The following B3GALNT2 variants were observed in gnomAD, a reference collection of about 807,000 sequenced individuals.
B3GALNT2 encodes the protein beta-1,3-N-acetylgalactosaminyltransferase 2.
A neutral mutation model predicts 61.1 loss-of-function variants in B3GALNT2; 53 were observed. That is an observed-to-expected ratio of 0.87 (90% CI 0.70 to 1.09). B3GALNT2 has a LOEUF of 1.09. Among genes scored for constraint, B3GALNT2 ranks in the 50% least tolerant of loss-of-function variants. B3GALNT2 has a pLI of 0.00. For missense variants in B3GALNT2, 544 were observed against 623.0 expected, an observed-to-expected ratio of 0.87 and a Z score of 1.35; for synonymous variants, 223 against 237.4, an observed-to-expected ratio of 0.94 and a Z score of 0.56.
chr1:235,446,032 C>T (rs1558397223), downstream of B3GALNT2, among the ~76,000 whole-genome samples: 2 of 152,122 alleles, frequency 1.3e-5, no homozygotes, highest in East Asian at 1.9e-4. Flanking sequence ...TCATACTCGC[C>T]GCTTTCCAGG....
downstream of B3GALNT2, among the ~76,000 whole-genome samples, chr1:235,442,526 T>C (rs1681964757): frequency 6.6e-6 from 1 of 152,218 alleles, no homozygotes; most frequent in Admixed American, 6.5e-5. Flanking sequence ...GTAACTCCTA[T>C]GTTTTAAACT....
intron 6 of B3GALNT2, 24 bp from the exon 7 acceptor site, chr1:235,465,738 A>G: frequency 1.2e-6 from 2 of 1,604,908 alleles, no homozygotes; most frequent in African/African-American, 2.7e-5. Flanking sequence ...GAATGTACTC[A>G]GTGATTCATT....
Position 235,465,715 on chromosome 1 carries a change from C to T in B3GALNT2, c.763-1G>A, listed in dbSNP as rs780433836. 1.1e-5 allele frequency: 18 copies of T among 1,613,646 alleles called. No homozygotes were observed. Among genetic ancestry groups the T allele is most frequent in the Non-Finnish European group, 1.4e-5 (17 of 1,179,882 alleles). ...CATGAGGCAATGCACCCTCCCCAGCCTGAAAGGAATAAGAATGTACTCAGT... is the reference window on the plus strand; with the variant it reads ...CATGAGGCAATGCACCCTCCCCAGCTTGAAAGGAATAAGAATGTACTCAGT... On this transcript the variant is annotated splice_acceptor_variant, in intron 6 of 11. Transcript: ENST00000366600. LOFTEE classifies it high-confidence loss of function.
rs2102790078 is a variant in B3GALNT2 at position 235,458,746 on chromosome 1, T to C, written c.882A>G (p.Gln294=). The change falls in exon 8 of 12, where the codon CAA becomes CAG. Residue 294 remains glutamine (Q), a synonymous_variant. Coordinates refer to ENST00000366600, the MANE Select transcript of B3GALNT2 (RefSeq NM_152490.5). ...ALLHNLHSRP[Q]RLIDHIRNLH... is the part of the protein sequence containing the mutation. ...GATTCCTTATATGATCAATAAGTCT[T>C]TGAGGGCGAGAATGAAGGTTGTGTA... 2 of 1,606,284 alleles carry C rather than the reference T, an allele frequency of 1.2e-6. No homozygotes were observed. Among genetic ancestry groups the C allele is most frequent in the South Asian group, 2.3e-5 (2 of 88,470 alleles).
chr1:235,496,312 A>AG, intron 1 of B3GALNT2: 2 of 330,954 alleles, frequency 6.0e-6, no homozygotes, highest in South Asian at 1.2e-4. Context: ...ACTCCACCTG[A>AG]AAAAAAAAAA....
chr1:235,456,464 C>T (rs562322156), intron 8 of B3GALNT2, among the ~76,000 whole-genome samples: 4 of 152,260 alleles, frequency 2.6e-5, no homozygotes, highest in Admixed American at 2.0e-4. Flanking sequence ...GGGTCCACAC[C>T]AAATAGCATC....
At chr1:235,458,285 C>T (rs994442468) in intron 8 of B3GALNT2, among the ~76,000 whole-genome samples, 3 of 152,058 alleles carry the variant, frequency 2.0e-5, no homozygotes, top group African/African-American at 4.8e-5. Flanking sequence ...GCTCAGTTTT[C>T]GCAAGGAACT....
Position 235,465,691 on chromosome 1 carries a change from A to C in B3GALNT2, c.786T>G (p.His262Gln). The C allele has an allele frequency of 1.2e-6, 2 of 1,614,076 alleles. No individual in the cohort carries two copies. The highest frequency in any genetic ancestry group is 2.2e-5 in the South Asian group (2 of 91,084). ...VITAGEGALP[H>Q]EFLEGVEGVA... ...CTCCCTCCACACCTTCCAAGAATTC[A>C]TGAGGCAATGCACCCTCCCCAGCCT... Residue 262 changes from histidine to glutamine, a missense_variant, in exon 7 of 12, where the codon CAT (histidine) becomes CAG (glutamine). By Grantham distance (24) the His-to-Gln change is conservative. Coordinates refer to ENST00000366600, the MANE Select transcript of B3GALNT2 (RefSeq NM_152490.5).
chr1:235,453,460 CTT>C (rs1175498989), intron 10 of B3GALNT2, among the ~76,000 whole-genome samples: 2 of 145,224 alleles, frequency 1.4e-5, no homozygotes, highest in African/African-American at 2.5e-5. Context: ...AGGGACTATA[CTT>C]TTTTTTTTTT....
At chr1:235,480,557 C>T (rs1291138323) in intron 4 of B3GALNT2, among the ~76,000 whole-genome samples, 3 of 151,846 alleles carry the variant, frequency 2.0e-5, no homozygotes, top group South Asian at 2.1e-4. Flanking sequence ...CAGGAAACTC[C>T]GTTCAAAAAG....
chr1:235,453,035 T>C lies in B3GALNT2; in HGVS notation c.1368+55A>G, dbSNP rs189833358. 13,812 of 1,467,250 alleles carry C rather than the reference T, an allele frequency of 9.4e-3. 176 individuals are homozygous for C. Among genetic ancestry groups the C allele is most frequent in the Non-Finnish European group, 8.9e-3 (9,376 of 1,053,042 alleles). The allele number at this position is 1,467,250 out of a possible 1,614,324, so 90.9% of individuals were successfully genotyped here. On this transcript the variant is annotated intron_variant, in intron 11 of 11. Transcript: ENST00000366600. ...GGATAAAGAACACTCAACCTGTATA[T>C]AGAAATCCACCTCCTCAACTCTTAA...
intron 7 of B3GALNT2, among the ~76,000 whole-genome samples, chr1:235,460,034 C>T (rs963729419): frequency 1.5e-4 from 23 of 152,102 alleles, no homozygotes; most frequent in Non-Finnish European, 2.9e-4. Flanking sequence ...CTCAAATGAT[C>T]CACCTGCCTC....
intron 3 of B3GALNT2, among the ~76,000 whole-genome samples, chr1:235,486,641 C>T (rs1056327776): frequency 1.3e-5 from 2 of 152,172 alleles, no homozygotes; most frequent in African/African-American, 2.4e-5. Flanking sequence ...GTTATATACG[C>T]ATTTAAAAAT....
chr1:235,482,808 A>G (rs1684619280), intron 4 of B3GALNT2, among the ~76,000 whole-genome samples: 1 of 152,082 alleles, frequency 6.6e-6, no homozygotes, highest in South Asian at 2.1e-4. Flanking sequence ...GCTCAGGTAA[A>G]AGAGCGAGAC....
In B3GALNT2 at chr1:235,470,775, G is replaced by T. The variant is rs371708271; in HGVS notation, c.762+75C>A. 2.0e-6 allele frequency: 3 copies of T among 1,533,892 alleles called. No individual in the cohort carries two copies. In the African/African-American group the frequency reaches 4.3e-5, roughly 22 times the overall value. On this transcript the variant is annotated intron_variant, in intron 6 of 11. Transcript: ENST00000366600. ...TGCTCCATGCTGCCTGGGCTCTAAGGTAAATTTTAGAACAATTTTATATAT... is the reference window on the plus strand; with the variant it reads ...TGCTCCATGCTGCCTGGGCTCTAAGTTAAATTTTAGAACAATTTTATATAT...
chr1:235,478,608 G>A (rs291381), intron 5 of B3GALNT2, among the ~76,000 whole-genome samples: 108,712 of 152,134 alleles, frequency 0.71, 39,437 homozygotes, highest in African/African-American at 0.84. Flanking sequence ...ACAGAGGTGC[G>A]GTGATATTTA....
chr1:235,467,325 G>A (rs1438643144), intron 6 of B3GALNT2, among the ~76,000 whole-genome samples: 1 of 151,710 alleles, frequency 6.6e-6, no homozygotes, highest in African/African-American at 2.4e-5. Context: ...CTCCAGCCTG[G>A]GTGACAGAGT....
Position 235,449,142 on chromosome 1 carries a change from G to A in B3GALNT2, c.*1064C>T. 3.9e-6 allele frequency: 1 copy of A among 253,706 alleles called. No individual in the cohort carries two copies. Among genetic ancestry groups the A allele is most frequent in the Non-Finnish European group, 7.7e-6 (1 of 130,410 alleles). 15.7% of individuals were successfully genotyped at this position (253,706 alleles called of 1,614,324 possible). The stretch of plus-strand genomic sequence containing the variant: ...CTCTATTGAAACTACTATTTTAAAG[G>A]GTTACTAGAAATGATTTGGTTGGTC... On this transcript the variant is annotated 3_prime_UTR_variant, in exon 12 of 12. Transcript: ENST00000366600.
intron 1 of B3GALNT2, among the ~76,000 whole-genome samples, chr1:235,500,539 G>T (rs148041334): frequency 6.6e-5 from 10 of 152,252 alleles, no homozygotes; most frequent in African/African-American, 1.9e-4. Flanking sequence ...CTCAAAATAA[G>T]CCCAAGAGTC....
Sources: gnomAD v4.1 joint callset for allele counts (sites outside exome capture counted in the v4.1 genomes callset) on GRCh38, gnomAD v4.1.1 for gene constraint, MANE v1.5 for transcripts, NCBI Gene and HGNC (gene_info 2026-07-23, HGNC 2026-07-21) for gene names.